Variants in SLC6A16 observed in about 807,000 individuals in gnomAD.
SLC6A16 encodes the protein solute carrier family 6 member 16, also known as orphan sodium- and chloride-dependent neurotransmitter transporter NTT5.
Under a neutral mutation model 65.4 loss-of-function variants are expected in SLC6A16, and 54 were observed. The observed-to-expected ratio is 0.83, with a 90% CI of 0.66 to 1.04. The LOEUF is 1.04. Among genes scored for constraint, SLC6A16 ranks in the 50% least tolerant of loss-of-function variants. The pLI, the probability that SLC6A16 is intolerant of heterozygous loss-of-function variation, is 0.00. For synonymous variants in SLC6A16, 330 were observed against 346.5 expected, an observed-to-expected ratio of 0.95 and a Z score of 0.53; for missense variants, 816 against 914.0, an observed-to-expected ratio of 0.89 and a Z score of 1.38.
rs757500646 is a variant in SLC6A16, at chr19:49,309,342, C to G, written c.946G>C (p.Glu316Gln). ...VGFFIRTLLL[E>Q]GAKFGLQQLV... ...TGTTGAAGGCCAAATTTTGCCCCTT[C>G]CAGGAGTAGAGTCCGGATGAAGAAA... The change falls in exon 6 of 12, where the codon GAA becomes CAA. Residue 316 changes from glutamate (E) to glutamine (Q), a missense_variant. Glu to Gln is a conservative substitution (Grantham distance 29, BLOSUM62 2). Transcript: ENST00000335875. The G allele has an allele frequency of 1.9e-6, 3 of 1,614,094 alleles. No individual in the cohort carries two copies. Among genetic ancestry groups the G allele is most frequent in the South Asian group, 1.1e-5 (1 of 91,070 alleles).
rs766471703 is a variant in SLC6A16, at chr19:49,309,112, C to T, written c.993G>A (p.Ser331=). ...ACCACACACTCATATTGTACACATC[C>T]GATATCTAAAAGAGAGAAGACAAGC... ...GLQQLVVAKI[S]DVYNMSVWSL... is the part of the protein sequence containing the mutation. Residue 331 remains serine, a synonymous_variant, in exon 7 of 12, where the codon TCG becomes TCA. Transcript: ENST00000335875. 7 of 1,613,912 alleles carry T rather than the reference C, an allele frequency of 4.3e-6. No individual in the cohort carries two copies. Among genetic ancestry groups the T allele is most frequent in the Middle Eastern group, 1.7e-4 (1 of 6,060 alleles).
intron 1 of SLC6A16, among the ~76,000 whole-genome samples, chr19:49,317,439 G>C (rs540410182): frequency 6.6e-6 from 1 of 152,052 alleles, no homozygotes; most frequent in East Asian, 1.9e-4. Flanking sequence ...GATAAAAATG[G>C]GGAGAAGAAA....
the SLC6A16 span, among the ~76,000 whole-genome samples, chr19:49,332,539 C>CA: frequency 6.6e-6 from 1 of 152,102 alleles, no homozygotes; most frequent in Non-Finnish European, 1.5e-5. Context: ...GCCTGGGTGA[C>CA]AGAGCGAGGC....
At chr19:49,298,975 G>A (rs1013866282) in intron 7 of SLC6A16, among the ~76,000 whole-genome samples, 6 of 152,178 alleles carry the variant, frequency 3.9e-5, no homozygotes, top group African/African-American at 1.4e-4. Context: ...TGCCGGGTGT[G>A]GTGGCTCACA....
Position 49,293,401 on chromosome 19 carries a change from C to G in SLC6A16, c.1619-19G>C, listed in dbSNP as rs372450830. 2.1e-4 allele frequency: 343 copies of G among 1,613,394 alleles called. No individual in the cohort carries two copies. Among genetic ancestry groups the G allele is most frequent in the Admixed American group, 2.8e-4 (17 of 59,940 alleles). On this transcript the variant is annotated intron_variant, in intron 9 of 11. Transcript: ENST00000335875. ...ACTCCCACTGGAGAAAACATGAGAT[C>G]TGGATCAAGGTTAGAAGTCACGGCT... is the stretch of plus-strand genomic sequence containing the variant.
upstream of SLC6A16, among the ~76,000 whole-genome samples, chr19:49,325,692 G>T (rs750943874): frequency 3.9e-5 from 6 of 152,034 alleles, no homozygotes; most frequent in Non-Finnish European, 7.4e-5. Flanking sequence ...ATACTTTCCG[G>T]TCTCTTAAGA....
At chr19:49,338,248 C>T in the SLC6A16 span, 1 of 1,364,084 alleles carries the variant, frequency 7.3e-7, no homozygotes, top group Non-Finnish European at 9.6e-7. The surrounding 1 kb of genome is among the most constrained non-coding windows in gnomAD (Gnocchi z 5.0). Context: ...CGCCATCTAC[C>T]TCGAGAGACT....
the SLC6A16 span, chr19:49,339,600 G>A: frequency 1.4e-6 from 2 of 1,442,314 alleles, no homozygotes; most frequent in Non-Finnish European, 1.8e-6. This position sits in a 1 kb window ranked among gnomAD's most constrained non-coding sequence, Gnocchi z 4.5. Context: ...CCCTGATTGG[G>A]TGTACGCAGG....
the SLC6A16 span, chr19:49,339,067 G>A: frequency 2.5e-6 from 2 of 794,326 alleles, no homozygotes. This position sits in a 1 kb window ranked among gnomAD's most constrained non-coding sequence, Gnocchi z 4.5. Context: ...AGGAGGGGCG[G>A]GGCCCTCTGA....
intron 7 of SLC6A16, among the ~76,000 whole-genome samples, chr19:49,301,795 G>A (rs1172098867): frequency 6.6e-6 from 1 of 152,124 alleles, no homozygotes; most frequent in African/African-American, 2.4e-5. Context: ...AGTGGCCATC[G>A]CATTCTCTGG....
the SLC6A16 span, among the ~76,000 whole-genome samples, chr19:49,334,569 G>A: frequency 3.3e-5 from 5 of 152,018 alleles, no homozygotes; most frequent in African/African-American, 7.3e-5. Context: ...AGTGGCTCAC[G>A]CCTGTAATCC....
chr19:49,335,822 C>A, the SLC6A16 span: 64 of 1,529,934 alleles, frequency 4.2e-5, no homozygotes, highest in East Asian at 1.3e-3. The surrounding 1 kb of genome is among the most constrained non-coding windows in gnomAD (Gnocchi z 4.6). Flanking sequence ...GGGCCTCCCC[C>A]AACCCAAGCA....
chr19:49,329,977 G>C (rs778514585), upstream of SLC6A16, among the ~76,000 whole-genome samples: 1 of 152,062 alleles, frequency 6.6e-6, no homozygotes, highest in African/African-American at 2.4e-5. Context: ...TTAATAGCCA[G>C]GTGTGGTGGC....
intron 1 of SLC6A16, among the ~76,000 whole-genome samples, chr19:49,313,927 T>C (rs1970570885): frequency 6.6e-6 from 1 of 152,068 alleles, no homozygotes; most frequent in African/African-American, 2.4e-5. Flanking sequence ...AAACCCCATC[T>C]CTACTAAAAG....
intron 1 of SLC6A16, among the ~76,000 whole-genome samples, chr19:49,314,910 G>A (rs541903222): frequency 5.3e-5 from 8 of 152,034 alleles, no homozygotes; most frequent in Non-Finnish European, 1.2e-4. Context: ...TCAAAATTTT[G>A]TTAAATTTTT....
rs1393585688 is a variant in SLC6A16 at position 49,309,100 on chromosome 19, A to G, written c.1005T>C (p.Asn335=). ...CCCCTGCTAGAGACCACACACTCAT[A>G]TTGTACACATCCGATATCTAAAAGA... ...LVVAKISDVY[N]MSVWSLAGGQ... Residue 335 remains asparagine, a synonymous_variant, in exon 7 of 12, where the codon AAT becomes AAC. Coordinates refer to ENST00000335875, the MANE Select transcript of SLC6A16 (RefSeq NM_014037.3). The G allele has an allele frequency of 2.5e-6, 4 of 1,614,064 alleles. No individual in the cohort carries two copies. The highest frequency in any genetic ancestry group is 3.4e-6 in the Non-Finnish European group (4 of 1,180,022).
At chr19:49,299,257 A>G (rs1255018596) in intron 7 of SLC6A16, among the ~76,000 whole-genome samples, 1 of 151,670 alleles carries the variant, frequency 6.6e-6, no homozygotes, top group Non-Finnish European at 1.5e-5. Context: ...AAAAAAAAAA[A>G]AAAGAAAGCT....
At chr19:49,308,805 C>A (rs1600634478) in intron 7 of SLC6A16, 71 bp downstream of exon 7, 3 of 1,590,784 alleles carry the variant, frequency 1.9e-6, no homozygotes, top group Non-Finnish European at 2.6e-6. Flanking sequence ...TTTGCAGCAC[C>A]TTTAAGGTTA....
At position 49,290,325 on chromosome 19, in the gene SLC6A16, A is replaced by G. The variant is rs776763168; in HGVS notation, c.2009T>C (p.Val670Ala). Residue 670 changes from valine (V) to alanine (A), a missense_variant, in exon 12 of 12, where the codon GTC becomes GCC. By Grantham distance (64) the Val-to-Ala change is moderately conservative. Transcript: ENST00000335875. Reference protein sequence around the residue: ...LLLMITLFAIVILPIPAYFVY... With the variant: ...LLLMITLFAIAILPIPAYFVY... Reference sequence around the variant, plus strand: ...AAAGTATGCAGGGATGGGGAGGATGACAATGGCAAAAAGGGTGATCATCAA... The same window carrying G: ...AAAGTATGCAGGGATGGGGAGGATGGCAATGGCAAAAAGGGTGATCATCAA... 3 of 1,613,986 alleles carry G rather than the reference A, an allele frequency of 1.9e-6. No individual in the cohort carries two copies. Among genetic ancestry groups the G allele is most frequent in the Non-Finnish European group, 2.5e-6 (3 of 1,180,012 alleles).
Sources: allele counts gnomAD v4.1 joint callset (sites outside exome capture counted in the v4.1 genomes callset), GRCh38; gene constraint gnomAD v4.1.1; non-coding constraint Gnocchi (gnomAD v3.1); transcripts MANE v1.5; gene names NCBI Gene and HGNC (gene_info 2026-07-23, HGNC 2026-07-21).